ROBO2: variants seen among roughly 807,000 people sequenced by gnomAD.
ROBO2 encodes roundabout guidance receptor 2, also known as roundabout homolog 2.
Under a neutral mutation model 160.8 loss-of-function variants are expected in ROBO2, and 53 were observed. The observed-to-expected ratio is 0.33, with a 90% CI of 0.26 to 0.41. The LOEUF is 0.41. Ranked by LOEUF, ROBO2 falls within the 10% of genes least tolerant of loss-of-function variation. The probability of loss-of-function intolerance (pLI) is 1.00; values close to 1 mark genes in which losing one functional copy is unlikely to be tolerated. For missense variants in ROBO2, 1,577 were observed against 1,722.4 expected (o/e 0.92, Z 1.49); for synonymous variants, 664 against 611.7 (o/e 1.09, Z -1.26).
intron 2 of ROBO2, among the ~76,000 whole-genome samples, chr3:76,755,004 C>T (rs3883940): frequency 0.32 from 47,975 of 151,690 alleles, 9,376 homozygotes; most frequent in Non-Finnish European, 0.43. Flanking sequence ...AGTGATCTAC[C>T]TACACATTAT....
intron 2 of ROBO2, among the ~76,000 whole-genome samples, chr3:76,820,815 T>C (rs1462497347): frequency 6.6e-6 from 1 of 152,026 alleles, no homozygotes; most frequent in East Asian, 1.9e-4. Flanking sequence ...CCACCAATAG[T>C]ACTGTTGGAA....
intron 2 of ROBO2, among the ~76,000 whole-genome samples, chr3:76,823,846 G>A (rs953756891): frequency 2.0e-5 from 3 of 152,168 alleles, no homozygotes; most frequent in Non-Finnish European, 4.4e-5. Flanking sequence ...TAAGTTGGAT[G>A]GAGGCATAAG....
chr3:76,985,426 C>CA (rs34548129), intron 2 of ROBO2, among the ~76,000 whole-genome samples: 2 of 150,932 alleles, frequency 1.3e-5, no homozygotes, highest in African/African-American at 4.9e-5. Context: ...ACTAAAAATA[C>CA]AAAAAATTAG....
chr3:77,477,437 A>T, exon 3 of ROBO2: 1 of 1,613,908 alleles, frequency 6.2e-7, no homozygotes, highest in Non-Finnish European at 8.5e-7. Flanking sequence ...CTTCCGACAA[A>T]ACCCCACAGA....
chr3:77,602,285 T>C lies in ROBO2; in HGVS notation c.2930T>C (p.Ile977Thr), dbSNP rs1229343630. Reference sequence around the variant, plus strand: ...TCAGATGGAGCCATTTATAGTAGCATTGACTTCACTACCAAAACCAGTTAC... The same window carrying C: ...TCAGATGGAGCCATTTATAGTAGCACTGACTTCACTACCAAAACCAGTTAC... The change falls in exon 20 of 26, where the codon ATT becomes ACT. Residue 977 changes from isoleucine (I) to threonine (T), a missense_variant. Ile to Thr is a moderately conservative substitution (Grantham distance 89, BLOSUM62 -1). This residue lies in a region of ROBO2 where 637 missense variants were observed against 586.9 expected (regional missense o/e 1.09). Coordinates refer to ENST00000461745, the Ensembl canonical transcript of ROBO2. 6.2e-7 allele frequency: 1 copy of C among 1,614,168 alleles called. No individual in the cohort carries two copies. The highest frequency in any genetic ancestry group is 1.1e-5 in the South Asian group (1 of 91,078).
chr3:77,275,023 A>G (rs1955139), intron 2 of ROBO2, among the ~76,000 whole-genome samples: 57,581 of 152,014 alleles, frequency 0.38, 11,523 homozygotes, highest in Middle Eastern at 0.52. Flanking sequence ...AATTACTAAT[A>G]CATCTCTTAG....
chr3:77,647,836 C>T (rs1229903993), exon 26 of ROBO2: 1 of 152,106 alleles, frequency 6.6e-6, no homozygotes. Context: ...ACAATTCGCA[C>T]TCCATGCATT....
intron 2 of ROBO2, among the ~76,000 whole-genome samples, chr3:75,971,780 A>G (rs1443425795): frequency 6.6e-6 from 1 of 151,514 alleles, no homozygotes; most frequent in Non-Finnish European, 1.5e-5. Flanking sequence ...GTAACATTTT[A>G]GAGATTCTTA....
chr3:77,393,055 G>A (rs2074904351), intron 2 of ROBO2, among the ~76,000 whole-genome samples: 1 of 152,066 alleles, frequency 6.6e-6, no homozygotes, highest in Non-Finnish European at 1.5e-5. Flanking sequence ...GTCTTTCTGT[G>A]TTAGGAAGAG....
At chr3:76,777,170 G>T (rs1198482639) in intron 2 of ROBO2, among the ~76,000 whole-genome samples, 1 of 151,064 alleles carries the variant, frequency 6.6e-6, no homozygotes, top group Non-Finnish European at 1.5e-5. Flanking sequence ...ATTAGATCCA[G>T]CAAGGCACAC....
chr3:75,938,738 T>C (rs1947905733), intron 2 of ROBO2, among the ~76,000 whole-genome samples: 1 of 152,172 alleles, frequency 6.6e-6, no homozygotes, highest in South Asian at 2.1e-4. Flanking sequence ...TAGATATTTT[T>C]CAAAACCACA....
At chr3:76,652,673 C>A (rs138882772) in intron 2 of ROBO2, among the ~76,000 whole-genome samples, 1 of 151,978 alleles carries the variant, frequency 6.6e-6, no homozygotes, top group Admixed American at 6.6e-5. Context: ...AACTTTTCTG[C>A]AAACATTGAA....
At chr3:77,322,966 ATATAT>A (rs372971055) in intron 2 of ROBO2, among the ~76,000 whole-genome samples, 8 of 708 alleles carry the variant, frequency 0.011, no homozygotes, top group East Asian at 0.058. Context: ...GGATAATATA[ATATAT>A]TATATTATAT....
chr3:77,138,782 C>G (rs932167924), intron 2 of ROBO2, among the ~76,000 whole-genome samples: 1 of 152,048 alleles, frequency 6.6e-6, no homozygotes, highest in Non-Finnish European at 1.5e-5. Context: ...TGGCCAGAAG[C>G]AAGCAAGTGG....
chr3:76,614,836 T>A (rs2088441838), intron 2 of ROBO2, among the ~76,000 whole-genome samples: 1 of 152,108 alleles, frequency 6.6e-6, no homozygotes, highest in African/African-American at 2.4e-5. Flanking sequence ...ACGGCTTGTT[T>A]ATGTCGGTGC....
At chr3:76,378,735 T>C (rs1283626353) in intron 2 of ROBO2, among the ~76,000 whole-genome samples, 1 of 152,148 alleles carries the variant, frequency 6.6e-6, no homozygotes, top group Non-Finnish European at 1.5e-5. Flanking sequence ...TTCAGCTGGT[T>C]CCAAGGAATA....
chr3:76,458,215 C>A, intron 2 of ROBO2, among the ~76,000 whole-genome samples: 1 of 152,168 alleles, frequency 6.6e-6, no homozygotes, highest in Non-Finnish European at 1.5e-5. Flanking sequence ...CCTTTGACAG[C>A]ACCCAAGTCA....
At chr3:77,215,818 G>C (rs1004087333) in intron 2 of ROBO2, among the ~76,000 whole-genome samples, 1 of 152,216 alleles carries the variant, frequency 6.6e-6, no homozygotes, top group Non-Finnish European at 1.5e-5. Flanking sequence ...CTCAGCTGCA[G>C]GTCTGTTGGA....
intron 2 of ROBO2, among the ~76,000 whole-genome samples, chr3:76,870,345 C>T (rs1346248734): frequency 1.3e-5 from 2 of 152,182 alleles, no homozygotes; most frequent in Non-Finnish European, 2.9e-5. Flanking sequence ...TAAATTCACA[C>T]TCCAGCTCTA....
Sources: allele counts gnomAD v4.1 joint callset (sites outside exome capture counted in the v4.1 genomes callset), GRCh38; gene constraint gnomAD v4.1.1; regional missense constraint gnomAD v4.1.1; transcripts MANE v1.5; gene names NCBI Gene and HGNC (gene_info 2026-07-23, HGNC 2026-07-21).